The following ADAM10 variants were observed in gnomAD, a reference collection of about 807,000 sequenced individuals.
ADAM10 encodes disintegrin and metalloproteinase domain-containing protein 10.
In ADAM10, 17 loss-of-function variants were observed where a neutral mutation model predicts 90.1. The observed-to-expected ratio is 0.19, with a 90% CI of 0.13 to 0.28. ADAM10 has a LOEUF of 0.28. Among genes scored for constraint, ADAM10 ranks in the 10% least tolerant of loss-of-function variants. ADAM10 has a pLI of 1.00. For synonymous variants in ADAM10, 310 were observed against 298.6 expected (o/e 1.04, Z -0.40); for missense variants, 610 against 914.3 (o/e 0.67, Z 4.29).
intron 2 of ADAM10, among the ~76,000 whole-genome samples, chr15:58,689,665 AAAGT>A (rs1213412421): frequency 2.0e-5 from 3 of 152,182 alleles, no homozygotes; most frequent in African/African-American, 7.2e-5. Context: ...ATTGAGTGAT[AAAGT>A]AATATTATGA....
chr15:58,643,054 T>C (rs1347221316), intron 7 of ADAM10, among the ~76,000 whole-genome samples: 1 of 152,148 alleles, frequency 6.6e-6, no homozygotes, highest in Non-Finnish European at 1.5e-5. Context: ...CAAATACTTT[T>C]GTGAAAGGAT....
At chr15:58,698,920 T>C (rs1219050269) in intron 2 of ADAM10, among the ~76,000 whole-genome samples, 1 of 152,166 alleles carries the variant, frequency 6.6e-6, no homozygotes, top group East Asian at 1.9e-4. Context: ...GAAAGCAATT[T>C]TGACACCCAG....
intron 2 of ADAM10, among the ~76,000 whole-genome samples, chr15:58,687,926 G>A (rs1897651430): frequency 6.6e-6 from 1 of 152,174 alleles, no homozygotes; most frequent in Non-Finnish European, 1.5e-5. Flanking sequence ...TGGCCATAAA[G>A]GGATAGCACA....
chr15:58,616,645 C>CG (rs538382546), intron 11 of ADAM10, among the ~76,000 whole-genome samples: 1 of 152,002 alleles, frequency 6.6e-6, no homozygotes, highest in African/African-American at 2.4e-5. Context: ...AATATTAAGA[C>CG]GGAAGTTTAT....
intron 15 of ADAM10, 88 bp downstream of exon 15, chr15:58,599,507 CATT>C: frequency 7.1e-7 from 1 of 1,409,342 alleles, no homozygotes; most frequent in Non-Finnish European, 1.0e-6. Flanking sequence ...AGTACTGTAA[CATT>C]AGTTACTACA....
chr15:58,599,981 T>A (rs1895064874), intron 14 of ADAM10, among the ~76,000 whole-genome samples: 1 of 152,172 alleles, frequency 6.6e-6, no homozygotes, highest in Admixed American at 6.5e-5. Flanking sequence ...TTTTTTTTAG[T>A]CTCTTTACAT....
At chr15:58,674,011 GC>G (rs144528602) in intron 4 of ADAM10, among the ~76,000 whole-genome samples, 7,593 of 152,150 alleles carry the variant, frequency 0.05, 650 homozygotes, top group African/African-American at 0.17. Context: ...GGGATTACAG[GC>G]GTGAGCCACC....
intron 5 of ADAM10, among the ~76,000 whole-genome samples, chr15:58,659,279 G>GA (rs113861487): frequency 4.4e-4 from 60 of 136,038 alleles, no homozygotes; most frequent in East Asian, 8.5e-4. Flanking sequence ...TCTCAAAAAA[G>GA]AAAAAAAAAA....
At position 58,660,216 on chromosome 15, in the gene ADAM10, G is replaced by T. The variant is rs142623613; in HGVS notation, c.585+4881C>A. Among the ~76,000 whole-genome samples, 225 of 151,040 alleles carry T rather than the reference G, an allele frequency of 1.5e-3. 1 individual carries two copies. The highest frequency in any genetic ancestry group is 5.0e-3 in the African/African-American group (207 of 41,058). On this transcript the variant is annotated intron_variant, in intron 5 of 15. Coordinates refer to ENST00000260408, the MANE Select transcript of ADAM10 (RefSeq NM_001110.4). ...TTCTTTTTATTTTTTTTTAAATAGGGTCTCACTCTGCAGCCTGGGCTGGAG... is the reference window on the plus strand; with the variant it reads ...TTCTTTTTATTTTTTTTTAAATAGGTTCTCACTCTGCAGCCTGGGCTGGAG...
chr15:58,691,967 T>A (rs1190338522), intron 2 of ADAM10: 1 of 427,852 alleles, frequency 2.3e-6, no homozygotes, highest in African/African-American at 2.0e-5. Flanking sequence ...TGAGCCACCA[T>A]GCCCAGCCGG....
At position 58,682,230 on chromosome 15, in the gene ADAM10, A is replaced by G. The variant is rs1343043584; in HGVS notation, c.291T>C (p.Tyr97=). ...GTCCAGTGTAAATATGAGAGGTATC[A>G]TAATCAAGTACTTTATTTGATGTTT... ...KVETSNKVLD[Y]DTSHIYTGHI... Residue 97 remains tyrosine (Y), a synonymous_variant, in exon 3 of 16, where the codon TAT becomes TAC. Coordinates refer to ENST00000260408, the MANE Select transcript of ADAM10 (RefSeq NM_001110.4). 8.7e-6 allele frequency: 14 copies of G among 1,613,128 alleles called. No individual in the cohort carries two copies. Among genetic ancestry groups the G allele is most frequent in the Non-Finnish European group, 1.2e-5 (14 of 1,179,512 alleles).
intron 1 of ADAM10, among the ~76,000 whole-genome samples, chr15:58,745,263 G>C (rs948114432): frequency 6.6e-6 from 1 of 152,178 alleles, no homozygotes. Flanking sequence ...AACAATGTTA[G>C]GAAAATGTAG....
At position 58,596,844 on chromosome 15, in the gene ADAM10, A is replaced by C. The variant is rs1436132557; in HGVS notation, c.*703T>G. ...GTAGCAGCCATGTGATAAAGAAAAA[A>C]TGAGTATCAAAACCAACTCCATCGT... is the stretch of plus-strand genomic sequence containing the variant. On this transcript the variant is annotated 3_prime_UTR_variant, in exon 16 of 16. Transcript: ENST00000260408. 1.3e-5 allele frequency: 2 copies of C among 155,430 alleles called. No individual in the cohort carries two copies. The highest frequency in any genetic ancestry group is 2.4e-5 in the African/African-American group (1 of 41,474). The allele number at this position is 155,430 out of a possible 1,614,324, so 9.6% of individuals were successfully genotyped here. A position where few individuals can be genotyped will look rare whatever the true frequency, so the allele number is the denominator to read the frequency against.
intron 1 of ADAM10, among the ~76,000 whole-genome samples, chr15:58,733,457 G>A (rs1178391393): frequency 2.0e-5 from 3 of 152,096 alleles, no homozygotes; most frequent in South Asian, 2.1e-4. Flanking sequence ...GCCAGTTTCC[G>A]AATCAGCCAA....
At chr15:58,611,732 G>C in intron 12 of ADAM10, 76 bp downstream of exon 12, 2 of 1,381,798 alleles carry the variant, frequency 1.4e-6, no homozygotes, top group Admixed American at 3.5e-5. Flanking sequence ...TAACTATGTA[G>C]CTTTAAGCAT....
At chr15:58,702,963 C>A (rs575194022) in intron 2 of ADAM10, among the ~76,000 whole-genome samples, 6 of 152,092 alleles carry the variant, frequency 3.9e-5, no homozygotes, top group African/African-American at 1.4e-4. Context: ...GTTAACCAAG[C>A]GACTGGATTA....
chr15:58,678,696 C>T (rs928552918), intron 4 of ADAM10, among the ~76,000 whole-genome samples: 3 of 152,136 alleles, frequency 2.0e-5, no homozygotes, highest in Admixed American at 6.5e-5. Context: ...ACTCAATGGA[C>T]TTAAAAATTA....
intron 5 of ADAM10, among the ~76,000 whole-genome samples, chr15:58,657,073 C>CTCCAT (rs1210114546): frequency 6.6e-6 from 1 of 152,176 alleles, no homozygotes; most frequent in African/African-American, 2.4e-5. Context: ...TTTATCAGAG[C>CTCCAT]TCCATTGTAG....
intron 10 of ADAM10, among the ~76,000 whole-genome samples, chr15:58,624,683 C>G (rs1231210002): frequency 7.2e-5 from 11 of 152,102 alleles, no homozygotes; most frequent in African/African-American, 1.9e-4. Context: ...CAGGCGCACG[C>G]CACCATGCCT....
Sources: allele counts gnomAD v4.1 joint callset (sites outside exome capture counted in the v4.1 genomes callset), GRCh38; gene constraint gnomAD v4.1.1; transcripts MANE v1.5; gene names NCBI Gene and HGNC (gene_info 2026-07-23, HGNC 2026-07-21).